Variants in PINX1 observed in about 807,000 individuals in gnomAD.
The protein encoded by PINX1 is PIN2/TERF1-interacting telomerase inhibitor 1.
A neutral mutation model predicts 25.4 loss-of-function variants in PINX1; 34 were observed. That is an observed-to-expected ratio of 1.34 (90% confidence interval 1.02 to 1.78). PINX1 has a LOEUF of 1.78. PINX1 is among the 40% of genes most tolerant of loss of function. The pLI is 0.00. For missense variants in PINX1, 592 were observed against 404.9 expected, an observed-to-expected ratio of 1.46 and a Z score of -3.97; for synonymous variants, 197 against 147.7, an observed-to-expected ratio of 1.33 and a Z score of -2.42.
chr8:10,810,773 T>A (rs17152495), intron 6 of PINX1, among the ~76,000 whole-genome samples: 3,530 of 152,300 alleles, frequency 0.023, 146 homozygotes, highest in African/African-American at 0.081. Context: ...ACTGCCTTAG[T>A]CATTACTTAT....
At position 10,787,724 on chromosome 8, in the gene PINX1, C is replaced by T. The variant is rs146395321; in HGVS notation, c.472-21808G>A. 116 of 443,932 alleles carry T rather than the reference C, an allele frequency of 2.6e-4. 1 individual carries two copies. The highest frequency in any genetic ancestry group is 1.7e-3 in the South Asian group (102 of 61,394). 27.5% of individuals were successfully genotyped at this position (443,932 alleles called of 1,614,324 possible). A position where few individuals can be genotyped will look rare whatever the true frequency, so the allele number is the denominator to read the frequency against. ...AGTGAGTCAGTGTACGGTCTCTTTA[C>T]GAAGTGAATACATTAAAGCCCACTG... On this transcript the variant is annotated intron_variant, in intron 6 of 6. Coordinates refer to ENST00000314787, the MANE Select transcript of PINX1 (RefSeq NM_017884.6).
Position 10,833,001 on chromosome 8 carries a change from CAG to C in PINX1, c.130-19_130-18del, listed in dbSNP as rs1798271327. ...CCCTAAACCCTGTGGAGATTAAACA[CAG>C]AGAGTTAGAACATTCCTCTCACTGA... On this transcript the variant is annotated intron_variant, in intron 2 of 6. Coordinates refer to ENST00000314787, the MANE Select transcript of PINX1 (RefSeq NM_017884.6). 2 of 1,525,094 alleles carry C rather than the reference CAG, an allele frequency of 1.3e-6. No homozygotes were observed. Among genetic ancestry groups the C allele is most frequent in the African/African-American group, 1.4e-5 (1 of 72,398 alleles). The allele number at this position is 1,525,094 out of a possible 1,614,324, so 94.5% of individuals were successfully genotyped here. A position where few individuals can be genotyped will look rare whatever the true frequency, so the allele number is the denominator to read the frequency against.
chr8:10,797,396 T>C (rs1723293645), intron 6 of PINX1, among the ~76,000 whole-genome samples: 1 of 152,294 alleles, frequency 6.6e-6, no homozygotes, highest in South Asian at 2.1e-4. Flanking sequence ...TGCACTTAGC[T>C]CAAGCCTGCT....
At chr8:10,785,351 T>C (rs946493439) in intron 6 of PINX1, among the ~76,000 whole-genome samples, 2 of 152,224 alleles carry the variant, frequency 1.3e-5, no homozygotes, top group African/African-American at 4.8e-5. Context: ...TACTTTACTT[T>C]AGAACCAGTC....
chr8:10,839,476 CT>C (rs1471523312), intron 1 of PINX1, among the ~76,000 whole-genome samples: 1 of 152,214 alleles, frequency 6.6e-6, no homozygotes, highest in Non-Finnish European at 1.5e-5. Flanking sequence ...TTCTGACCCA[CT>C]TCGCACGCGA....
rs777364801 is a variant in PINX1, at chr8:10,826,256, A to C, written c.302-12T>G. The C allele has an allele frequency of 1.4e-6, 2 of 1,402,840 alleles. No homozygotes were observed. The highest frequency in any genetic ancestry group is 2.9e-5 in the African/African-American group (2 of 70,062). The allele number at this position is 1,402,840 out of a possible 1,614,324, so 86.9% of individuals were successfully genotyped here. A position where few individuals can be genotyped will look rare whatever the true frequency, so the allele number is the denominator to read the frequency against. ...CTTGTCCGAGGAATCTTTAAAAAAG[A>C]TGAAAAAAATACATTAAAGTCTTTC... is the stretch of plus-strand genomic sequence containing the variant. On this transcript the variant is annotated splice_polypyrimidine_tract_variant and intron_variant, in intron 4 of 6. Transcript: ENST00000314787.
intron 6 of PINX1, among the ~76,000 whole-genome samples, chr8:10,802,138 GA>G (rs949621912): frequency 3.0e-4 from 45 of 151,318 alleles, no homozygotes; most frequent in African/African-American, 1.1e-3. Context: ...AGAGCAAAGG[GA>G]AAAAAAAACT....
chr8:10,782,277 TG>T (rs1801609098), intron 6 of PINX1, among the ~76,000 whole-genome samples: 1 of 152,092 alleles, frequency 6.6e-6, no homozygotes, highest in Non-Finnish European at 1.5e-5. Context: ...AGGTATGGTG[TG>T]GGGACTGTGG....
intron 6 of PINX1, among the ~76,000 whole-genome samples, chr8:10,797,958 GTCCTTACTACTTCAC>G (rs529210735): frequency 1.0e-3 from 155 of 152,276 alleles, no homozygotes; most frequent in Admixed American, 1.6e-3. Flanking sequence ...GAGCTAAACA[GTCCTTACTACTTCAC>G]TCTATCAGAA....
chr8:10,799,548 T>C (rs1323985294), intron 6 of PINX1, among the ~76,000 whole-genome samples: 1 of 152,174 alleles, frequency 6.6e-6, no homozygotes, highest in Non-Finnish European at 1.5e-5. Context: ...CCAACTTCAA[T>C]ACGCTTTGAA....
rs1488484999 is a variant in PINX1, at chr8:10,839,793, G to C, written c.-37C>G. ...TGTGATACCGCCGCCTCTGGACCTGGGTGACTGCGGCCACTGGGCGGGCTG... is the reference window on the plus strand; with the variant it reads ...TGTGATACCGCCGCCTCTGGACCTGCGTGACTGCGGCCACTGGGCGGGCTG... On this transcript the variant is annotated 5_prime_UTR_variant, in exon 1 of 7. Transcript: ENST00000314787. 6 of 1,591,606 alleles carry C rather than the reference G, an allele frequency of 3.8e-6. No homozygotes were observed. Among genetic ancestry groups the C allele is most frequent in the Admixed American group, 1.7e-5 (1 of 57,608 alleles).
intron 1 of PINX1, 49 bp downstream of exon 1, chr8:10,839,689 G>A: frequency 8.9e-6 from 14 of 1,578,034 alleles, no homozygotes; most frequent in Non-Finnish European, 1.2e-5. Context: ...CGCGTCACCC[G>A]GCATCTTCAC....
At chr8:10,824,213 G>T (rs116570495) in intron 5 of PINX1, among the ~76,000 whole-genome samples, 1 of 152,156 alleles carries the variant, frequency 6.6e-6, no homozygotes, top group Non-Finnish European at 1.5e-5. Flanking sequence ...AAGGGAAATG[G>T]GTAGGTGACT....
chr8:10,829,682 C>T (rs1352230211), intron 4 of PINX1, among the ~76,000 whole-genome samples: 1 of 139,346 alleles, frequency 7.2e-6, no homozygotes, highest in Non-Finnish European at 1.5e-5. Context: ...TGCTTACATT[C>T]TTACATTCTT....
chr8:10,799,301 T>C (rs953441344), intron 6 of PINX1, among the ~76,000 whole-genome samples: 3 of 152,194 alleles, frequency 2.0e-5, no homozygotes, highest in East Asian at 1.9e-4. Flanking sequence ...AACAGAACTG[T>C]TGAGACTTTA....
intron 6 of PINX1, among the ~76,000 whole-genome samples, chr8:10,787,037 C>T (rs1051432282): frequency 3.3e-5 from 5 of 152,104 alleles, no homozygotes; most frequent in African/African-American, 1.2e-4. Flanking sequence ...GGTTGTAAAA[C>T]GACATACATT....
intron 4 of PINX1, among the ~76,000 whole-genome samples, chr8:10,828,340 G>A (rs893576925): frequency 2.0e-5 from 3 of 152,140 alleles, no homozygotes; most frequent in African/African-American, 7.2e-5. Flanking sequence ...AGCTTAAAGC[G>A]GCTCCTACCG....
chr8:10,770,426 T>C (rs1049768628), intron 6 of PINX1, among the ~76,000 whole-genome samples: 30 of 152,218 alleles, frequency 2.0e-4, no homozygotes, highest in African/African-American at 7.0e-4. Flanking sequence ...TACACCACAG[T>C]CCTCTCCGGT....
At chr8:10,796,373 G>A (rs747995755) in intron 6 of PINX1, among the ~76,000 whole-genome samples, 2 of 152,052 alleles carry the variant, frequency 1.3e-5, no homozygotes, top group Non-Finnish European at 2.9e-5. Flanking sequence ...AGAGACACCC[G>A]CAAGAATCCG....
Sources: gnomAD v4.1 joint callset for allele counts (sites outside exome capture counted in the v4.1 genomes callset) on GRCh38, gnomAD v4.1.1 for gene constraint, MANE v1.5 for transcripts, NCBI Gene and HGNC (gene_info 2026-07-23, HGNC 2026-07-21) for gene names.